DISC1: variants seen among roughly 807,000 people sequenced by gnomAD.
DISC1 encodes the protein disrupted in schizophrenia 1 protein.
A neutral mutation model predicts 84.5 loss-of-function variants in DISC1; 57 were observed. The observed-to-expected ratio is 0.67, with a 90% CI of 0.55 to 0.84. The LOEUF is 0.84. Ranked by LOEUF, DISC1 falls within the 40% of genes least tolerant of loss-of-function variation. DISC1 has a pLI of 0.00. For synonymous variants in DISC1, 411 were observed against 415.2 expected (o/e 0.99, Z 0.12); for missense variants, 1,000 against 1,057.8 (o/e 0.95, Z 0.76).
At position 231,890,438 on chromosome 1, in the gene DISC1, T is replaced by C. The variant is rs750760024; in HGVS notation, c.1982-68390T>C. On this transcript the variant is annotated intron_variant, in intron 9 of 12. Coordinates refer to ENST00000439617, the MANE Select transcript of DISC1 (RefSeq NM_018662.3). The stretch of plus-strand genomic sequence containing the variant: ...CAAACAGAAAAGGCACATCACTGGT[T>C]TTTAAAATTTTTTGAATAATAAGTA... Among the ~76,000 whole-genome samples the C allele has an allele frequency of 6.6e-5, 10 of 152,188 alleles. No homozygotes were observed. In the South Asian group the frequency reaches 1.9e-3, roughly 28 times the overall value.
chr1:232,029,491 T>TACAAAAATCA (rs1433923674), intron 12 of DISC1, among the ~76,000 whole-genome samples: 32 of 152,342 alleles, frequency 2.1e-4, no homozygotes, highest in Middle Eastern at 3.4e-3. Flanking sequence ...TCTGACTGGT[T>TACAAAAATCA]TGTATTTCCA....
intron 10 of DISC1, among the ~76,000 whole-genome samples, chr1:231,986,456 G>A (rs941329348): frequency 9.2e-5 from 14 of 152,290 alleles, no homozygotes; most frequent in Admixed American, 7.2e-4. Flanking sequence ...TCAAGCTACA[G>A]TAGTGTTTTC....
intron 10 of DISC1, among the ~76,000 whole-genome samples, chr1:231,967,320 C>A (rs1362012031): frequency 6.6e-6 from 1 of 152,168 alleles, no homozygotes; most frequent in East Asian, 1.9e-4. Flanking sequence ...AAAATTGGAG[C>A]AATTGTTTCC....
intron 9 of DISC1, among the ~76,000 whole-genome samples, chr1:231,952,517 CAAAT>C (rs1482545610): frequency 6.6e-6 from 1 of 151,952 alleles, no homozygotes; most frequent in Non-Finnish European, 1.5e-5. Flanking sequence ...TGAAATGCTG[CAAAT>C]AAATAAATTT....
At chr1:231,673,251 GT>G (rs1572724493) in intron 1 of DISC1, among the ~76,000 whole-genome samples, 1 of 152,176 alleles carries the variant, frequency 6.6e-6, no homozygotes, top group East Asian at 1.9e-4. Flanking sequence ...CATTACTGGT[GT>G]GCTGTCCCCT....
At chr1:231,883,184 A>G (rs1359452074) in intron 9 of DISC1, among the ~76,000 whole-genome samples, 2 of 152,156 alleles carry the variant, frequency 1.3e-5, no homozygotes, top group African/African-American at 4.8e-5. Flanking sequence ...GAGAAAAATG[A>G]TACTTAATCT....
At chr1:231,981,963 T>G (rs561609231) in intron 10 of DISC1, among the ~76,000 whole-genome samples, 3 of 152,204 alleles carry the variant, frequency 2.0e-5, no homozygotes. Context: ...AGAGGTTTGA[T>G]GAAAAGCAGT....
At chr1:231,670,034 T>C (rs1192345120) in intron 1 of DISC1, among the ~76,000 whole-genome samples, 2 of 152,166 alleles carry the variant, frequency 1.3e-5, no homozygotes, top group Admixed American at 6.5e-5. Context: ...TGGAATACTA[T>C]GCAGCCATAA....
chr1:231,823,183 G>A (rs2081617695), intron 9 of DISC1, among the ~76,000 whole-genome samples: 1 of 152,068 alleles, frequency 6.6e-6, no homozygotes, highest in Admixed American at 6.5e-5. Flanking sequence ...TACAAGTTCT[G>A]CATATATAGG....
chr1:231,736,348 G>A (rs1447304158), intron 3 of DISC1, among the ~76,000 whole-genome samples: 2 of 152,314 alleles, frequency 1.3e-5, no homozygotes, highest in East Asian at 3.9e-4. Context: ...CCAGAGGTTA[G>A]CACCGAAAAA....
chr1:231,927,915 C>A (rs2090442691), intron 9 of DISC1, among the ~76,000 whole-genome samples: 1 of 152,192 alleles, frequency 6.6e-6, no homozygotes, highest in African/African-American at 2.4e-5. Context: ...AGAGGGCTGC[C>A]CCGCCAGGCC....
In DISC1 at chr1:231,664,773, G is replaced by A. The variant is rs527289283; in HGVS notation, c.68-29053G>A. 1.4e-4 allele frequency among the ~76,000 whole-genome samples: 21 copies of A among 151,774 alleles called. 1 individual carries two copies. The highest frequency in any genetic ancestry group is 2.1e-4 in the South Asian group (1 of 4,810). On this transcript the variant is annotated intron_variant, in intron 1 of 12. Coordinates refer to ENST00000439617, the MANE Select transcript of DISC1 (RefSeq NM_018662.3). ...TAGGAGACTAATACAGTTGACCCTC[G>A]AACGACACAGGTTTGAACTGTGAGT...
At chr1:231,934,523 G>T (rs1050816175) in intron 9 of DISC1, among the ~76,000 whole-genome samples, 1 of 152,124 alleles carries the variant, frequency 6.6e-6, no homozygotes, top group Non-Finnish European at 1.5e-5. Context: ...TTTAAGTGAC[G>T]CAAATCACAG....
chr1:231,704,032 C>A (rs1207314146), intron 3 of DISC1, among the ~76,000 whole-genome samples: 1 of 152,204 alleles, frequency 6.6e-6, no homozygotes, highest in East Asian at 1.9e-4. Context: ...AGACAAGCAT[C>A]CTGGTAGGCA....
chr1:232,032,460 A>T (rs1670137596), intron 12 of DISC1, among the ~76,000 whole-genome samples: 1 of 152,182 alleles, frequency 6.6e-6, no homozygotes, highest in Non-Finnish European at 1.5e-5. Flanking sequence ...AAACACAGAC[A>T]TTTTAACAAG....
rs114914939 is a variant in DISC1 at position 231,776,764 on chromosome 1, A to G, written c.1634+5694A>G. 8.5e-3 allele frequency among the ~76,000 whole-genome samples: 1,288 copies of G among 152,336 alleles called. 16 individuals carry two copies. Among genetic ancestry groups the G allele is most frequent in the African/African-American group, 0.029 (1,222 of 41,582 alleles). ...AACTGAATGGGAAAAAAAAATCAATAGTTCCTCTTTTCCCTCAGAAACATA... is the reference window on the plus strand; with the variant it reads ...AACTGAATGGGAAAAAAAAATCAATGGTTCCTCTTTTCCCTCAGAAACATA... On this transcript the variant is annotated intron_variant, in intron 6 of 12. Coordinates refer to ENST00000439617, the MANE Select transcript of DISC1 (RefSeq NM_018662.3).
At chr1:231,642,429 G>A (rs1661105486) in intron 1 of DISC1, among the ~76,000 whole-genome samples, 1 of 152,214 alleles carries the variant, frequency 6.6e-6, no homozygotes, top group Non-Finnish European at 1.5e-5. Flanking sequence ...TGCCGAGAGC[G>A]AGCGCGGGCT....
At chr1:231,864,322 C>T (rs2084891528) in intron 9 of DISC1, among the ~76,000 whole-genome samples, 1 of 152,098 alleles carries the variant, frequency 6.6e-6, no homozygotes, top group African/African-American at 2.4e-5. Flanking sequence ...ATAAGAGGCT[C>T]ATAAGCGTTG....
At position 231,791,064 on chromosome 1, in the gene DISC1, C is replaced by T. The variant is rs200711718; in HGVS notation, c.1635-4178C>T. 5.9e-4 allele frequency among the ~76,000 whole-genome samples: 90 copies of T among 152,280 alleles called. 1 individual carries two copies. Among genetic ancestry groups the T allele is most frequent in the Non-Finnish European group, 1.1e-3 (74 of 68,018 alleles). ...GGCTCATCTGCTGCTGATGTGCGTTCTGTGCAGCACATTCATGTCAGTAGT... is the reference window on the plus strand; with the variant it reads ...GGCTCATCTGCTGCTGATGTGCGTTTTGTGCAGCACATTCATGTCAGTAGT... On this transcript the variant is annotated intron_variant, in intron 6 of 12. Coordinates refer to ENST00000439617, the MANE Select transcript of DISC1 (RefSeq NM_018662.3).
Sources: gnomAD v4.1 joint callset for allele counts (sites outside exome capture counted in the v4.1 genomes callset) on GRCh38, gnomAD v4.1.1 for gene constraint, MANE v1.5 for transcripts, NCBI Gene and HGNC (gene_info 2026-07-23, HGNC 2026-07-21) for gene names.